The following VPS37B variants were observed in gnomAD, a reference collection of about 807,000 sequenced individuals.
VPS37B encodes vacuolar protein sorting-associated protein 37B.
In VPS37B, 11 loss-of-function variants were observed where a neutral mutation model predicts 21.2. That is an observed-to-expected ratio of 0.52 (90% CI 0.33 to 0.86). The LOEUF (loss-of-function observed/expected upper bound fraction) is 0.86. Ranked by LOEUF, VPS37B falls within the 40% of genes least tolerant of loss-of-function variation. VPS37B has a pLI of 0.03. For synonymous variants in VPS37B, 175 were observed against 159.6 expected (o/e 1.10, Z -0.73); for missense variants, 389 against 374.8 (o/e 1.04, Z -0.31).
chr12:122,867,661 C>A lies in VPS37B; in HGVS notation c.367-54G>T. 1 of 1,600,902 alleles carries A rather than the reference C, an allele frequency of 6.2e-7. No homozygotes were observed. The highest frequency in any genetic ancestry group is 1.1e-5 in the South Asian group (1 of 90,860). ...GACAGCCAGATGGGGAGGATGCTCCCTTCGTGGTCTAGGCACAAGGAGAGG... is the reference window on the plus strand; with the variant it reads ...GACAGCCAGATGGGGAGGATGCTCCATTCGTGGTCTAGGCACAAGGAGAGG... On this transcript the variant is annotated intron_variant, in intron 3 of 3. Coordinates refer to ENST00000267202, the MANE Select transcript of VPS37B (RefSeq NM_024667.3). The surrounding 1 kb of genome is among the most constrained non-coding windows in gnomAD (Gnocchi z 5.5).
At chr12:122,883,032 T>C (rs1405952243) in intron 1 of VPS37B, 1 of 152,218 alleles carries the variant, frequency 6.6e-6, no homozygotes, top group Non-Finnish European at 1.5e-5. Context: ...GAGAACATTA[T>C]GAAACAGTCC....
intron 1 of VPS37B, chr12:122,889,766 T>A (rs2034387199): frequency 6.6e-6 from 1 of 150,744 alleles, no homozygotes; most frequent in African/African-American, 2.4e-5. Flanking sequence ...ACTGCTTCTC[T>A]GCTCCAAAAT....
intron 1 of VPS37B, chr12:122,872,170 G>A (rs1278583144): frequency 2.0e-6 from 2 of 985,380 alleles, no homozygotes; most frequent in Non-Finnish European, 2.4e-6. Context: ...AGTCATACCC[G>A]TTGATTGCTG....
At position 122,867,500 on chromosome 12, in the gene VPS37B, C is replaced by G. The variant is rs2033930915; in HGVS notation, c.474G>C (p.Lys158Asn). The G allele has an allele frequency of 2.5e-6, 4 of 1,614,082 alleles. No individual in the cohort carries two copies. Among genetic ancestry groups the G allele is most frequent in the African/African-American group, 1.3e-5 (1 of 75,006 alleles). The part of the protein sequence containing the change: ...LAHMRRVKIE[K>N]LQEMVLKGQR... Reference sequence around the variant, plus strand: ...GCCCCTTTAGGACCATCTCCTGGAGCTTCTCGATTTTCACCCGTCGCATGT... The same window carrying G: ...GCCCCTTTAGGACCATCTCCTGGAGGTTCTCGATTTTCACCCGTCGCATGT... Residue 158 changes from lysine (K) to asparagine (N), a missense_variant, in exon 4 of 4, where the codon AAG becomes AAC. Coordinates refer to ENST00000267202, the MANE Select transcript of VPS37B (RefSeq NM_024667.3). This position sits in a 1 kb window ranked among gnomAD's most constrained non-coding sequence, Gnocchi z 5.5.
intron 1 of VPS37B, chr12:122,888,886 CCA>C: frequency 3.7e-6 from 1 of 273,570 alleles, no homozygotes; most frequent in East Asian, 1.0e-4. Context: ...AGCTCCAGAA[CCA>C]CACTCCAACT....
At chr12:122,870,087 G>A (rs1446321926) in intron 2 of VPS37B, 1 of 150,686 alleles carries the variant, frequency 6.6e-6, no homozygotes, top group Admixed American at 6.6e-5. Flanking sequence ...AAGACAAACG[G>A]GCAAACGTCA....
rs761157980 is a variant in VPS37B at position 122,867,351 on chromosome 12, G to A, written c.623C>T (p.Pro208Leu). Reference sequence around the variant, plus strand: ...CGCAGGCACCGGGGGTGGTGGGGGGGGGATGCGCCGAGGTGCAACGGCAGG... The same window carrying A: ...CGCAGGCACCGGGGGTGGTGGGGGGAGGATGCGCCGAGGTGCAACGGCAGG... ...GPPAVAPRRI[P>L]PPPPPVPAGR... The change falls in exon 4 of 4, where the codon CCC (proline) becomes CTC (leucine). Residue 208 changes from proline (P) to leucine (L), a missense_variant. Transcript: ENST00000267202. The surrounding 1 kb of genome is among the most constrained non-coding windows in gnomAD (Gnocchi z 5.5). The A allele has an allele frequency of 5.6e-6, 9 of 1,596,468 alleles. No homozygotes were observed. The Admixed American group carries it at 8.5e-5, about 15-fold the overall frequency.
intron 1 of VPS37B, among the ~76,000 whole-genome samples, chr12:122,893,364 C>T (rs899946501): frequency 1.3e-5 from 2 of 152,302 alleles, no homozygotes; most frequent in Admixed American, 6.5e-5. Context: ...GGTGAAGTGA[C>T]TTGCCTGCAA....
At chr12:122,885,350 A>G (rs1259084593) in intron 1 of VPS37B, 1 of 152,206 alleles carries the variant, frequency 6.6e-6, no homozygotes, top group Non-Finnish European at 1.5e-5. Flanking sequence ...TGACAGCAAA[A>G]AAGTGCCTAA....
At position 122,868,656 on chromosome 12, in the gene VPS37B, A is replaced by G; in HGVS notation, c.284-94T>C. ...ACGGCAGGATTGCACCTTCCTTTCC[A>G]GGAAGCTGAATGTGAAAGGCTTGAA... On this transcript the variant is annotated intron_variant, in intron 2 of 3. Coordinates refer to ENST00000267202, the MANE Select transcript of VPS37B (RefSeq NM_024667.3). This position sits in a 1 kb window ranked among gnomAD's most constrained non-coding sequence, Gnocchi z 5.5. 1 of 1,108,640 alleles carries G rather than the reference A, an allele frequency of 9.0e-7. No individual in the cohort carries two copies. The highest frequency in any genetic ancestry group is 1.3e-5 in the South Asian group (1 of 75,218). 68.7% of individuals were successfully genotyped at this position (1,108,640 alleles called of 1,614,324 possible).
In VPS37B at chr12:122,868,393, G is replaced by A. The variant is rs544741799; in HGVS notation, c.366+87C>T. 5.1e-5 allele frequency: 64 copies of A among 1,247,422 alleles called. No homozygotes were observed. The highest frequency in any genetic ancestry group is 1.4e-4 in the Admixed American group (7 of 51,086). 77.3% of individuals were successfully genotyped at this position (1,247,422 alleles called of 1,614,324 possible). On this transcript the variant is annotated intron_variant, in intron 3 of 3. Transcript: ENST00000267202. This position sits in a 1 kb window ranked among gnomAD's most constrained non-coding sequence, Gnocchi z 5.5. ...GGGAGGCACCACTCCTGGCCGTGGC[G>A]GTGTGGCACTCACGGTCCCTGGAGG...
intron 1 of VPS37B, among the ~76,000 whole-genome samples, chr12:122,890,427 G>A (rs1026573881): frequency 6.6e-6 from 1 of 151,740 alleles, no homozygotes; most frequent in Non-Finnish European, 1.5e-5. Context: ...AACCTCCCAG[G>A]CTCAGGCAAT....
Position 122,866,920 on chromosome 12 carries a change from G to T in VPS37B, c.*196C>A. 1 of 551,124 alleles carries T rather than the reference G, an allele frequency of 1.8e-6. No homozygotes were observed. The highest frequency in any genetic ancestry group is 3.8e-5 in the Admixed American group (1 of 26,268). The allele number at this position is 551,124 out of a possible 1,614,324, so 34.1% of individuals were successfully genotyped here. A position where few individuals can be genotyped will look rare whatever the true frequency, so the allele number is the denominator to read the frequency against. On this transcript the variant is annotated 3_prime_UTR_variant, in exon 4 of 4. Coordinates refer to ENST00000267202, the MANE Select transcript of VPS37B (RefSeq NM_024667.3). Reference sequence around the variant, plus strand: ...ACGCACAGGTGTCAGGCTGTAACCCGGCACACACAACTGCCTTGATGCCCA... The same window carrying T: ...ACGCACAGGTGTCAGGCTGTAACCCTGCACACACAACTGCCTTGATGCCCA...
intron 1 of VPS37B, chr12:122,884,295 A>C (rs1297451870): frequency 6.6e-6 from 1 of 152,348 alleles, no homozygotes; most frequent in East Asian, 1.9e-4. Context: ...TGGACACCGG[A>C]TAAGCAATCA....
chr12:122,892,238 TGAACAGGAG>T (rs1450673308), intron 1 of VPS37B, among the ~76,000 whole-genome samples: 2 of 152,160 alleles, frequency 1.3e-5, no homozygotes, highest in African/African-American at 4.8e-5. Flanking sequence ...AATTGCATAA[TGAACAGGAG>T]GAACAGGAAG....
At chr12:122,871,938 C>A in intron 1 of VPS37B, 1 of 985,506 alleles carries the variant, frequency 1.0e-6, no homozygotes. Context: ...CCGCCGCCAC[C>A]TCACTTTCCT....
At position 122,866,811 on chromosome 12, in the gene VPS37B, G is replaced by C. The variant is rs946989630; in HGVS notation, c.*305C>G. ...AAGGACCACGATTCTAAATGGGACT[G>C]GGGGAGAGGCCTATTTCTTCCCAAA... On this transcript the variant is annotated 3_prime_UTR_variant, in exon 4 of 4. Transcript: ENST00000267202. The C allele has an allele frequency of 8.8e-6, 3 of 339,880 alleles. No individual in the cohort carries two copies. Among genetic ancestry groups the C allele is most frequent in the East Asian group, 9.5e-5 (2 of 21,028 alleles). The allele number at this position is 339,880 out of a possible 1,614,324, so 21.1% of individuals were successfully genotyped here.
rs1432323714 is a variant in VPS37B, at chr12:122,867,810, C to T, written c.367-203G>A. On this transcript the variant is annotated intron_variant, in intron 3 of 3. Transcript: ENST00000267202. This position sits in a 1 kb window ranked among gnomAD's most constrained non-coding sequence, Gnocchi z 5.5. The stretch of plus-strand genomic sequence containing the variant: ...ATGAGCTGCCACTAGGTGGAGAGGA[C>T]GACAGCCCTGCTGCGCACCCCACCA... Among the ~76,000 whole-genome samples, 2 of 152,176 alleles carry T rather than the reference C, an allele frequency of 1.3e-5. No individual in the cohort carries two copies. The highest frequency in any genetic ancestry group is 2.4e-5 in the African/African-American group (1 of 41,412).
At chr12:122,885,552 A>G (rs1363136807) in intron 1 of VPS37B, 2 of 152,166 alleles carry the variant, frequency 1.3e-5, no homozygotes, top group African/African-American at 4.8e-5. Context: ...ACAACAAAGG[A>G]AAAAAACTTA....
Sources: allele counts gnomAD v4.1 joint callset (sites outside exome capture counted in the v4.1 genomes callset), GRCh38; gene constraint gnomAD v4.1.1; non-coding constraint Gnocchi (gnomAD v3.1); transcripts MANE v1.5; gene names NCBI Gene and HGNC (gene_info 2026-07-23, HGNC 2026-07-21).